The following SEPTIN7 variants were observed in gnomAD, a reference collection of about 807,000 sequenced individuals.
The protein encoded by SEPTIN7 is septin-7.
A neutral mutation model predicts 63.3 loss-of-function variants in SEPTIN7; 10 were observed. The observed-to-expected ratio is 0.16, with a 90% CI of 0.10 to 0.27. The LOEUF (loss-of-function observed/expected upper bound fraction) is 0.27, where lower values mean the gene tolerates loss of function less well. SEPTIN7 is among the 10% of genes least tolerant of loss of function. SEPTIN7 has a pLI of 1.00. For missense variants in SEPTIN7, 310 were observed against 521.0 expected (o/e 0.59, Z 3.94); for synonymous variants, 131 against 165.3 (o/e 0.79, Z 1.59).
chr7:35,878,284 G>A (rs1321103269), intron 6 of SEPTIN7, among the ~76,000 whole-genome samples: 3 of 151,824 alleles, frequency 2.0e-5, no homozygotes, highest in African/African-American at 7.3e-5. Context: ...GGAGAAGGAG[G>A]ATGAGAATGG....
intron 3 of SEPTIN7, among the ~76,000 whole-genome samples, chr7:35,837,454 A>G (rs1043974914): frequency 4.6e-5 from 7 of 152,212 alleles, no homozygotes; most frequent in African/African-American, 1.4e-4. Context: ...TATTAATACT[A>G]TAATAACATC....
chr7:35,845,824 A>T (rs769349104), intron 3 of SEPTIN7, among the ~76,000 whole-genome samples: 1 of 152,062 alleles, frequency 6.6e-6, no homozygotes, highest in Non-Finnish European at 1.5e-5. Context: ...GATTTTTTTT[A>T]AAGTTAATAA....
chr7:35,825,176 C>T (rs766205946), intron 1 of SEPTIN7, among the ~76,000 whole-genome samples: 3 of 152,150 alleles, frequency 2.0e-5, no homozygotes, highest in Non-Finnish European at 2.9e-5. Context: ...ATGAATGTGA[C>T]TCTGCATGTG....
chr7:35,812,320 A>AC (rs1026603331), intron 1 of SEPTIN7, among the ~76,000 whole-genome samples: 40 of 122,976 alleles, frequency 3.3e-4, no homozygotes, highest in Admixed American at 4.9e-4. Context: ...TCCCTTCCCC[A>AC]CCCCCCCATT....
intron 5 of SEPTIN7, among the ~76,000 whole-genome samples, 182 bp downstream of exon 5, chr7:35,872,948 A>G (rs1413918515): frequency 6.6e-6 from 1 of 152,146 alleles, no homozygotes; most frequent in Non-Finnish European, 1.5e-5. Context: ...ACTTCTTTGA[A>G]CCCATTTACT....
chr7:35,853,705 G>A (rs1159308285), intron 3 of SEPTIN7, among the ~76,000 whole-genome samples: 1 of 152,164 alleles, frequency 6.6e-6, no homozygotes, highest in Non-Finnish European at 1.5e-5. Flanking sequence ...CTTTCTTATA[G>A]TTATTGAATA....
intron 1 of SEPTIN7, among the ~76,000 whole-genome samples, chr7:35,823,863 T>C (rs1176204812): frequency 1.6e-4 from 25 of 151,970 alleles, no homozygotes; most frequent in Admixed American, 1.6e-3. Context: ...TCTCTTCTCT[T>C]TTTTTTTGGG....
downstream of SEPTIN7, among the ~76,000 whole-genome samples, chr7:35,910,457 T>C (rs1217464283): frequency 1.3e-5 from 2 of 152,226 alleles, no homozygotes; most frequent in African/African-American, 4.8e-5. Context: ...TGATAATGTT[T>C]TTACAGATGG....
intron 5 of SEPTIN7, among the ~76,000 whole-genome samples, chr7:35,873,006 A>G (rs1187025703): frequency 6.6e-6 from 1 of 152,108 alleles, no homozygotes; most frequent in African/African-American, 2.4e-5. Context: ...TTTTTAAGAC[A>G]TATTCTAAAA....
chr7:35,861,607 C>T (rs1215846069), intron 3 of SEPTIN7, among the ~76,000 whole-genome samples: 1 of 152,186 alleles, frequency 6.6e-6, no homozygotes. Flanking sequence ...AAGAGTCTCA[C>T]CTGGATACTC....
At chr7:35,891,450 A>T (rs772839693) in intron 11 of SEPTIN7, among the ~76,000 whole-genome samples, 3 of 152,172 alleles carry the variant, frequency 2.0e-5, no homozygotes, top group Non-Finnish European at 4.4e-5. Context: ...CAGGCTATAA[A>T]CCTATACAGC....
chr7:35,839,014 A>G (rs1784272316), intron 3 of SEPTIN7, among the ~76,000 whole-genome samples: 1 of 152,142 alleles, frequency 6.6e-6, no homozygotes, highest in Non-Finnish European at 1.5e-5. Flanking sequence ...ATTTCCAGCA[A>G]TTATGTTGTT....
chr7:35,810,747 A>G (rs1481808781), intron 1 of SEPTIN7, among the ~76,000 whole-genome samples: 7 of 151,112 alleles, frequency 4.6e-5, no homozygotes, highest in Non-Finnish European at 7.4e-5. Context: ...GTTATTGTCC[A>G]TTCAGATTGT....
At chr7:35,910,800 G>A (rs1386649062), downstream of SEPTIN7, among the ~76,000 whole-genome samples, 1 of 152,208 alleles carries the variant, frequency 6.6e-6, no homozygotes, top group African/African-American at 2.4e-5. Flanking sequence ...GTTATCAGTA[G>A]CTGAACAGCA....
chr7:35,911,147 G>A (rs1031223720), downstream of SEPTIN7, among the ~76,000 whole-genome samples: 3 of 152,176 alleles, frequency 2.0e-5, no homozygotes, highest in Non-Finnish European at 4.4e-5. Flanking sequence ...GCCACAGATG[G>A]CAGAAGAAAA....
chr7:35,884,156 G>T (rs1245133619), intron 9 of SEPTIN7, among the ~76,000 whole-genome samples, 169 bp downstream of exon 9: 2 of 152,056 alleles, frequency 1.3e-5, no homozygotes, highest in Admixed American at 6.6e-5. Context: ...AAGTACATTG[G>T]TATTTTTCAA....
intron 9 of SEPTIN7, among the ~76,000 whole-genome samples, chr7:35,885,025 T>A (rs932223922): frequency 3.3e-5 from 5 of 152,178 alleles, no homozygotes; most frequent in African/African-American, 9.6e-5. Flanking sequence ...ACTTCGTTTT[T>A]TTTTTTAAGA....
intron 3 of SEPTIN7, among the ~76,000 whole-genome samples, chr7:35,863,114 A>G (rs1257663593): frequency 2.0e-5 from 3 of 150,354 alleles, no homozygotes; most frequent in Non-Finnish European, 4.5e-5. Flanking sequence ...ATTGTGATTA[A>G]TTCTTTGTAT....
At chr7:35,827,195 C>T (rs941228104) in intron 1 of SEPTIN7, among the ~76,000 whole-genome samples, 2 of 152,100 alleles carry the variant, frequency 1.3e-5, no homozygotes, top group African/African-American at 4.8e-5. Flanking sequence ...TCTTAAATGA[C>T]TAATGTTTGA....
Sources: allele counts gnomAD v4.1 joint callset (sites outside exome capture counted in the v4.1 genomes callset), GRCh38; gene constraint gnomAD v4.1.1; transcripts MANE v1.5; gene names NCBI Gene and HGNC (gene_info 2026-07-23, HGNC 2026-07-21).